The following SHROOM3 variants were observed in gnomAD, a reference collection of about 807,000 sequenced individuals.
SHROOM3 encodes the protein protein Shroom3.
SHROOM3 carries 47 observed loss-of-function variants against 138.6 expected under a neutral mutation model. The observed-to-expected ratio is 0.34, with a 90% CI of 0.27 to 0.43. The LOEUF is 0.43. Ranked by LOEUF, SHROOM3 falls within the 20% of genes least tolerant of loss-of-function variation. SHROOM3 has a pLI of 1.00. For synonymous variants in SHROOM3, 1,062 were observed against 1,063.3 expected (o/e 1.00, Z 0.02); for missense variants, 2,491 against 2,596.5 (o/e 0.96, Z 0.88).
chr4:76,646,150 C>T (rs1242969610), intron 2 of SHROOM3, among the ~76,000 whole-genome samples: 2 of 148,902 alleles, frequency 1.3e-5, no homozygotes, highest in Admixed American at 6.8e-5. Context: ...AGCACACCAA[C>T]ATGGCACATG....
chr4:76,538,232 G>C (rs1023949853), intron 1 of SHROOM3, among the ~76,000 whole-genome samples: 8 of 152,184 alleles, frequency 5.3e-5, no homozygotes, highest in Admixed American at 1.3e-4. Flanking sequence ...AAACTTTATG[G>C]TATGTAAATT....
chr4:76,455,820 A>T (rs1191332669), intron 1 of SHROOM3, among the ~76,000 whole-genome samples: 1 of 152,096 alleles, frequency 6.6e-6, no homozygotes, highest in Non-Finnish European at 1.5e-5. Flanking sequence ...CTTTTTTGGA[A>T]GGCACCAAGT....
At chr4:76,483,085 C>A (rs969546443) in intron 1 of SHROOM3, among the ~76,000 whole-genome samples, 9 of 152,130 alleles carry the variant, frequency 5.9e-5, no homozygotes, top group Non-Finnish European at 1.2e-4. Context: ...AGGACATAGG[C>A]ATGGGCAAGG....
At chr4:76,551,752 C>A (rs1162456060) in intron 1 of SHROOM3, among the ~76,000 whole-genome samples, 1 of 151,984 alleles carries the variant, frequency 6.6e-6, no homozygotes, top group Admixed American at 6.6e-5. Flanking sequence ...GGTGTGTAAC[C>A]ACAGCAGCAA....
intron 2 of SHROOM3, among the ~76,000 whole-genome samples, chr4:76,646,231 T>A (rs944574148): frequency 7.9e-5 from 11 of 138,452 alleles, no homozygotes; most frequent in East Asian, 2.1e-4. Flanking sequence ...AATAAATATA[T>A]ATATATATAT....
intron 2 of SHROOM3, among the ~76,000 whole-genome samples, chr4:76,646,065 T>G (rs962402725): frequency 3.3e-5 from 5 of 151,880 alleles, no homozygotes; most frequent in Non-Finnish European, 4.4e-5. Flanking sequence ...TATTTCATTT[T>G]CAGAACCCGT....
At chr4:76,518,418 T>C (rs1165176393) in intron 1 of SHROOM3, among the ~76,000 whole-genome samples, 1 of 152,118 alleles carries the variant, frequency 6.6e-6, no homozygotes, top group East Asian at 1.9e-4. Context: ...AAACAGAGTG[T>C]TCTCATTAAT....
intron 2 of SHROOM3, among the ~76,000 whole-genome samples, chr4:76,668,746 A>G (rs527903527): frequency 1.3e-5 from 2 of 152,314 alleles, no homozygotes; most frequent in African/African-American, 4.8e-5. Flanking sequence ...TTTGAAATAG[A>G]GGATGAAGAT....
At chr4:76,719,991 A>T (rs1056104583) in intron 3 of SHROOM3, among the ~76,000 whole-genome samples, 1 of 152,214 alleles carries the variant, frequency 6.6e-6, no homozygotes, top group African/African-American at 2.4e-5. Context: ...ACATATTATC[A>T]GGATGTGACA....
At chr4:76,657,108 T>C (rs1736079177) in intron 2 of SHROOM3, among the ~76,000 whole-genome samples, 1 of 151,888 alleles carries the variant, frequency 6.6e-6, no homozygotes, top group African/African-American at 2.4e-5. Context: ...ACCCAAGAGA[T>C]GAAGGTTGCA....
chr4:76,661,367 A>C (rs1050702970), intron 2 of SHROOM3, among the ~76,000 whole-genome samples: 2 of 152,132 alleles, frequency 1.3e-5, no homozygotes, highest in East Asian at 1.9e-4. Context: ...GTAGCTGGGA[A>C]TACAAGCGCC....
intron 4 of SHROOM3, among the ~76,000 whole-genome samples, chr4:76,732,914 C>A (rs777618093): frequency 6.6e-6 from 1 of 152,168 alleles, no homozygotes; most frequent in Admixed American, 6.5e-5. Flanking sequence ...ATTCTTAGTA[C>A]ATAGTAAGCA....
intron 1 of SHROOM3, among the ~76,000 whole-genome samples, chr4:76,530,791 CAGAAG>C (rs1171367369): frequency 6.6e-6 from 1 of 152,162 alleles, no homozygotes; most frequent in African/African-American, 2.4e-5. Flanking sequence ...AAGAAGCACT[CAGAAG>C]AGAAGCCTGT....
intron 2 of SHROOM3, among the ~76,000 whole-genome samples, chr4:76,685,270 G>T (rs114714172): frequency 1.3e-5 from 2 of 152,004 alleles, no homozygotes; most frequent in Non-Finnish European, 2.9e-5. Context: ...TAGAGCAGGG[G>T]TGTCCAATCT....
At chr4:76,750,397 C>G (rs1236679526) in intron 6 of SHROOM3, among the ~76,000 whole-genome samples, 1 of 152,100 alleles carries the variant, frequency 6.6e-6, no homozygotes, top group Non-Finnish European at 1.5e-5. Context: ...TTATCCTAAG[C>G]AAATGAACAC....
At chr4:76,521,800 C>T (rs536155181) in intron 1 of SHROOM3, among the ~76,000 whole-genome samples, 1 of 152,202 alleles carries the variant, frequency 6.6e-6, no homozygotes, top group South Asian at 2.1e-4. Flanking sequence ...TGTTCACAGG[C>T]CCATTAAGTA....
At chr4:76,641,110 C>T (rs1366694063) in intron 2 of SHROOM3, among the ~76,000 whole-genome samples, 2 of 152,114 alleles carry the variant, frequency 1.3e-5, no homozygotes, top group Non-Finnish European at 2.9e-5. Flanking sequence ...TACAATGTCA[C>T]ACTGGTAGGA....
chr4:76,483,694 G>A lies in SHROOM3; in HGVS notation c.168+47474G>A, dbSNP rs140505934. On this transcript the variant is annotated intron_variant, in intron 1 of 10. Transcript: ENST00000296043. ...TCATTCTATAAAGACACACGCACACGTATGTTTATTACAGCACTATTCACA... is the reference window on the plus strand; with the variant it reads ...TCATTCTATAAAGACACACGCACACATATGTTTATTACAGCACTATTCACA... Among the ~76,000 whole-genome samples, 691 of 152,200 alleles carry A rather than the reference G, an allele frequency of 4.5e-3. 5 individuals are homozygous for A. The highest frequency in any genetic ancestry group is 0.015 in the African/African-American group (635 of 41,520).
intron 1 of SHROOM3, among the ~76,000 whole-genome samples, chr4:76,449,795 T>A (rs931027109): frequency 6.6e-6 from 1 of 152,236 alleles, no homozygotes; most frequent in Non-Finnish European, 1.5e-5. Context: ...CTTCCAGTCC[T>A]CTCTTTTCTA....
Sources: allele counts gnomAD v4.1 joint callset (sites outside exome capture counted in the v4.1 genomes callset), GRCh38; gene constraint gnomAD v4.1.1; transcripts MANE v1.5; gene names NCBI Gene and HGNC (gene_info 2026-07-23, HGNC 2026-07-21).